GRIK1: variants seen among roughly 807,000 people sequenced by gnomAD.
GRIK1 encodes the protein glutamate receptor ionotropic, kainate 1.
Under a neutral mutation model 105.7 loss-of-function variants are expected in GRIK1, and 69 were observed. The observed-to-expected ratio is 0.65, with a 90% CI of 0.54 to 0.80. The LOEUF (loss-of-function observed/expected upper bound fraction) is 0.80. Among genes scored for constraint, GRIK1 ranks in the 30% least tolerant of loss-of-function variants. GRIK1 has a pLI of 0.00. For missense variants in GRIK1, 1,109 were observed against 1,167.3 expected (o/e 0.95, Z 0.73); for synonymous variants, 438 against 431.3 (o/e 1.02, Z -0.19).
intron 7 of GRIK1, among the ~76,000 whole-genome samples, chr21:29,603,838 T>G (rs114943003): frequency 6.6e-6 from 1 of 152,346 alleles, no homozygotes; most frequent in African/African-American, 2.4e-5. Context: ...CCCTTCTTCA[T>G]GCCTCTAAAC....
At chr21:29,938,627 A>G (rs1341429386) in intron 1 of GRIK1, among the ~76,000 whole-genome samples, 1 of 152,042 alleles carries the variant, frequency 6.6e-6, no homozygotes, top group Non-Finnish European at 1.5e-5. Flanking sequence ...CTCATTCGAG[A>G]TCAGAGCCCT....
chr21:29,715,264 G>A (rs544007975), intron 1 of GRIK1, among the ~76,000 whole-genome samples: 1 of 152,258 alleles, frequency 6.6e-6, no homozygotes, highest in East Asian at 1.9e-4. Flanking sequence ...CCGGTGGTCA[G>A]TCTGATGAGT....
At chr21:29,653,848 G>GGGAAGA (rs2062790393) in intron 5 of GRIK1, among the ~76,000 whole-genome samples, 1 of 152,102 alleles carries the variant, frequency 6.6e-6, no homozygotes, top group African/African-American at 2.4e-5. Context: ...TCCACCCTAT[G>GGGAAGA]CTCAGTAGCA....
At chr21:29,861,138 C>G (rs1199761111) in intron 1 of GRIK1, among the ~76,000 whole-genome samples, 1 of 151,914 alleles carries the variant, frequency 6.6e-6, no homozygotes, top group East Asian at 1.9e-4. Context: ...TTATGTCTTC[C>G]AATCTCCCGG....
At chr21:29,763,668 C>T (rs1204280440) in intron 1 of GRIK1, 1 of 152,094 alleles carries the variant, frequency 6.6e-6, no homozygotes, top group African/African-American at 2.4e-5. Flanking sequence ...TTCAGGTGAT[C>T]GAGATTCCGA....
chr21:29,835,290 T>C (rs2067760687), intron 1 of GRIK1, among the ~76,000 whole-genome samples: 1 of 152,204 alleles, frequency 6.6e-6, no homozygotes, highest in Non-Finnish European at 1.5e-5. Flanking sequence ...GTTCTTCTGC[T>C]GGTGGCTAGA....
chr21:29,677,161 G>C (rs140390261), intron 3 of GRIK1, among the ~76,000 whole-genome samples: 1 of 152,254 alleles, frequency 6.6e-6, no homozygotes, highest in African/African-American at 2.4e-5. Flanking sequence ...GAGAATGATA[G>C]AGCATTACAG....
rs533668001 is a variant in GRIK1, at chr21:29,564,319, T to C, written c.2131-2470A>G. Among the ~76,000 whole-genome samples the C allele has an allele frequency of 3.5e-4, 53 of 152,132 alleles. No individual in the cohort carries two copies. In the East Asian group the frequency reaches 9.5e-3, roughly 27 times the overall value. On this transcript the variant is annotated intron_variant, in intron 14 of 17. Coordinates refer to ENST00000327783, the MANE Select transcript of GRIK1 (RefSeq NM_001330994.2). ...CCCGCCACTACACCCGGCTAATTTT[T>C]TGTATTTTTAGTAGAGACGGGGTTT...
intron 1 of GRIK1, among the ~76,000 whole-genome samples, chr21:29,784,982 C>A (rs1241750815): frequency 6.6e-6 from 1 of 152,092 alleles, no homozygotes; most frequent in African/African-American, 2.4e-5. Flanking sequence ...CAGGAAAAAT[C>A]ATAATTTGAC....
chr21:29,851,479 C>T (rs2068302697), intron 1 of GRIK1, among the ~76,000 whole-genome samples: 1 of 152,228 alleles, frequency 6.6e-6, no homozygotes, highest in South Asian at 2.1e-4. Context: ...CTTCCCATAA[C>T]ATGGCATCTT....
chr21:29,926,303 C>A (rs183690305), intron 1 of GRIK1, among the ~76,000 whole-genome samples: 1 of 152,164 alleles, frequency 6.6e-6, no homozygotes, highest in South Asian at 2.1e-4. Context: ...AACGGGCACC[C>A]TGATTTAAAG....
intron 4 of GRIK1, among the ~76,000 whole-genome samples, chr21:29,656,354 C>CAAAAA (rs3054331): frequency 0.021 from 1,052 of 50,942 alleles, 95 homozygotes; most frequent in Non-Finnish European, 0.03. Context: ...GAGCGAGACT[C>CAAAAA]AAAAAAAAAA....
intron 1 of GRIK1, among the ~76,000 whole-genome samples, chr21:29,834,669 C>T (rs2067732302): frequency 6.6e-6 from 1 of 151,070 alleles, no homozygotes; most frequent in African/African-American, 2.4e-5. Flanking sequence ...TATAACATAG[C>T]AATAAAAATT....
rs181475240 is a variant in GRIK1, at chr21:29,845,251, C to T, written c.118+94132G>A. ...TGTTGAGTTCTCTTTTTCAGGAATA[C>T]TGATTAAGAAAAAAAATGCCAAACG... is the stretch of plus-strand genomic sequence containing the variant. On this transcript the variant is annotated intron_variant, in intron 1 of 17. Transcript: ENST00000327783. 7.0e-3 allele frequency among the ~76,000 whole-genome samples: 1,067 copies of T among 151,730 alleles called. 12 individuals carry two copies. Among genetic ancestry groups the T allele is most frequent in the African/African-American group, 0.025 (1,013 of 41,340 alleles).
chr21:29,840,174 G>A (rs2067936808), intron 1 of GRIK1, among the ~76,000 whole-genome samples: 1 of 151,974 alleles, frequency 6.6e-6, no homozygotes, highest in African/African-American at 2.4e-5. Context: ...TGGGGAAAAT[G>A]TTTTCATCCC....
intron 1 of GRIK1, among the ~76,000 whole-genome samples, chr21:29,928,787 C>T (rs982278491): frequency 6.6e-6 from 1 of 152,124 alleles, no homozygotes; most frequent in African/African-American, 2.4e-5. Context: ...ATACCCAGGA[C>T]CTAGTGGAAC....
intron 1 of GRIK1, among the ~76,000 whole-genome samples, chr21:29,794,487 A>G (rs73897838): frequency 0.017 from 2,664 of 152,282 alleles, 70 homozygotes; most frequent in African/African-American, 0.056. Context: ...GTCAGCTATT[A>G]TAGTTCTATA....
chr21:29,767,631 G>A (rs147289117), intron 1 of GRIK1, among the ~76,000 whole-genome samples: 1 of 152,272 alleles, frequency 6.6e-6, no homozygotes, highest in Non-Finnish European at 1.5e-5. Flanking sequence ...TTTCTCTACA[G>A]TAGGAAAGTC....
At chr21:29,696,710 A>C (rs1318398127) in intron 1 of GRIK1, among the ~76,000 whole-genome samples, 1 of 152,242 alleles carries the variant, frequency 6.6e-6, no homozygotes, top group African/African-American at 2.4e-5. Flanking sequence ...TCTTACTCAG[A>C]ATCAGCATCC....
Sources: gnomAD v4.1 joint callset for allele counts (sites outside exome capture counted in the v4.1 genomes callset) on GRCh38, gnomAD v4.1.1 for gene constraint, MANE v1.5 for transcripts, NCBI Gene and HGNC (gene_info 2026-07-23, HGNC 2026-07-21) for gene names.